FMN1: variants seen among roughly 807,000 people sequenced by gnomAD.
FMN1 encodes the protein formin-1.
In FMN1, 110 loss-of-function variants were observed where a neutral mutation model predicts 132.4. The observed-to-expected ratio is 0.83, with a 90% CI of 0.71 to 0.97. FMN1 has a LOEUF of 0.97. Ranked by LOEUF, FMN1 falls within the 50% of genes least tolerant of loss-of-function variation. The pLI, the probability that FMN1 is intolerant of heterozygous loss-of-function variation, is 0.00. For synonymous variants in FMN1, 722 were observed against 651.7 expected, an observed-to-expected ratio of 1.11 and a Z score of -1.64; for missense variants, 1,792 against 1,705.3, an observed-to-expected ratio of 1.05 and a Z score of -0.90.
intron 7 of FMN1, among the ~76,000 whole-genome samples, chr15:32,997,169 T>C (rs1255402196): frequency 6.6e-6 from 1 of 152,190 alleles, no homozygotes; most frequent in African/African-American, 2.4e-5. Flanking sequence ...CAGGACCAGC[T>C]ATGAGAAATA....
chr15:32,817,211 A>G (rs2058084012), intron 17 of FMN1, among the ~76,000 whole-genome samples: 1 of 152,222 alleles, frequency 6.6e-6, no homozygotes, highest in Non-Finnish European at 1.5e-5. Context: ...ATAAAAATGA[A>G]TAGACTACCA....
At chr15:33,030,796 CAAAT>C (rs1223834242) in intron 6 of FMN1, among the ~76,000 whole-genome samples, 11 of 152,218 alleles carry the variant, frequency 7.2e-5, no homozygotes, top group Non-Finnish European at 1.3e-4. Context: ...TATATAAACT[CAAAT>C]AATCTATATA....
At chr15:32,794,402 C>T (rs1023815074) in intron 19 of FMN1, among the ~76,000 whole-genome samples, 7 of 152,082 alleles carry the variant, frequency 4.6e-5, no homozygotes, top group African/African-American at 7.2e-5. Flanking sequence ...TTCCTGGAGT[C>T]ATGACTCCCG....
At chr15:32,909,122 T>C (rs2060497559) in intron 11 of FMN1, among the ~76,000 whole-genome samples, 2 of 152,238 alleles carry the variant, frequency 1.3e-5, no homozygotes, top group Admixed American at 1.3e-4. Context: ...GAATGAAGCT[T>C]ATCTCTACTG....
intron 4 of FMN1, among the ~76,000 whole-genome samples, chr15:33,133,601 C>G (rs186182789): frequency 6.6e-6 from 1 of 152,292 alleles, no homozygotes; most frequent in African/African-American, 2.4e-5. Flanking sequence ...ACCTTCTCAA[C>G]CCCACAGTTT....
chr15:32,931,699 CTT>C (rs2061122667), intron 9 of FMN1, among the ~76,000 whole-genome samples: 3 of 152,140 alleles, frequency 2.0e-5, no homozygotes, highest in South Asian at 4.1e-4. Flanking sequence ...ATTTCTCTCT[CTT>C]GATTAATGTC....
chr15:33,118,795 A>G (rs968486262), intron 4 of FMN1, among the ~76,000 whole-genome samples: 1 of 152,116 alleles, frequency 6.6e-6, no homozygotes, highest in Non-Finnish European at 1.5e-5. Flanking sequence ...ACATCAACCT[A>G]TCTTTAAAGA....
At chr15:32,929,793 T>C (rs1002658957) in intron 9 of FMN1, among the ~76,000 whole-genome samples, 2 of 151,328 alleles carry the variant, frequency 1.3e-5, no homozygotes, top group Non-Finnish European at 2.9e-5. Flanking sequence ...TCAAGTAATA[T>C]TCCACTGTAT....
chr15:32,908,304 C>A, intron 12 of FMN1, 186 bp downstream of exon 12: 1 of 541,672 alleles, frequency 1.8e-6, no homozygotes, highest in Non-Finnish European at 3.3e-6. Context: ...TATCCAACAG[C>A]ACAAATCTCA....
chr15:33,107,910 CTTAT>C (rs761609191), intron 4 of FMN1, among the ~76,000 whole-genome samples: 7 of 152,032 alleles, frequency 4.6e-5, no homozygotes, highest in African/African-American at 1.4e-4. Flanking sequence ...ATGCTGGCCC[CTTAT>C]TTATTACAGT....
chr15:32,967,581 T>A (rs74012405), intron 8 of FMN1, among the ~76,000 whole-genome samples: 3,380 of 152,346 alleles, frequency 0.022, 115 homozygotes, highest in African/African-American at 0.073. Flanking sequence ...CTCACTTTTT[T>A]ATGAACCATT....
intron 19 of FMN1, among the ~76,000 whole-genome samples, chr15:32,795,906 G>T (rs758685659): frequency 6.6e-6 from 1 of 152,200 alleles, no homozygotes; most frequent in African/African-American, 2.4e-5. Flanking sequence ...CTCTTCCAAA[G>T]ATATAGTTAA....
chr15:33,153,043 C>T lies in FMN1; in HGVS notation c.1867+5G>A, dbSNP rs1159522471. ...AGATTCAAAGCATCTTAAACAGAGA[C>T]TAACCTGGAGGTGACTGGTGCTGGG... On this transcript the variant is annotated splice_donor_5th_base_variant and intron_variant, in intron 4 of 20. Coordinates refer to ENST00000616417, the MANE Select transcript of FMN1 (RefSeq NM_001277313.2). The T allele has an allele frequency of 2.7e-6, 4 of 1,505,162 alleles. No individual in the cohort carries two copies. The highest frequency in any genetic ancestry group is 2.6e-6 in the Non-Finnish European group (3 of 1,134,282). The allele number at this position is 1,505,162 out of a possible 1,614,324, so 93.2% of individuals were successfully genotyped here. A position where few individuals can be genotyped will look rare whatever the true frequency, so the allele number is the denominator to read the frequency against.
In FMN1 at chr15:33,178,713, C is replaced by T. The variant is rs185068120; in HGVS notation, c.-132+1485G>A. 2.0e-4 allele frequency among the ~76,000 whole-genome samples: 30 copies of T among 152,318 alleles called. No homozygotes were observed. The East Asian group carries it at 5.2e-3, about 26-fold the overall frequency. ...AGTTAGTCAATACCTGATAGATACA[C>T]TGGCATTCAGAATACAGTGACTGGT... On this transcript the variant is annotated intron_variant, in intron 3 of 20. Coordinates refer to ENST00000616417, the MANE Select transcript of FMN1 (RefSeq NM_001277313.2).
chr15:32,913,097 C>T (rs1388098861), intron 10 of FMN1, among the ~76,000 whole-genome samples: 2 of 152,110 alleles, frequency 1.3e-5, no homozygotes, highest in East Asian at 3.9e-4. Flanking sequence ...TTAGGTGTTT[C>T]TGATCGCGGT....
At chr15:32,802,929 G>C (rs1215633586) in intron 18 of FMN1, among the ~76,000 whole-genome samples, 1 of 152,140 alleles carries the variant, frequency 6.6e-6, no homozygotes, top group African/African-American at 2.4e-5. Context: ...TATTATGATA[G>C]GATGATAAGC....
chr15:33,081,961 CA>C (rs755802197), intron 5 of FMN1, among the ~76,000 whole-genome samples: 8 of 152,000 alleles, frequency 5.3e-5, no homozygotes, highest in Non-Finnish European at 8.8e-5. Context: ...CAGGGCCTCA[CA>C]GGTGAGAAGG....
intron 10 of FMN1, among the ~76,000 whole-genome samples, chr15:32,911,263 AT>A (rs1446118283): frequency 6.6e-6 from 1 of 152,190 alleles, no homozygotes; most frequent in African/African-American, 2.4e-5. Flanking sequence ...TCCTTAATGG[AT>A]TTGGCTATCG....
At chr15:33,101,894 G>A (rs942623691) in intron 4 of FMN1, among the ~76,000 whole-genome samples, 2 of 152,114 alleles carry the variant, frequency 1.3e-5, no homozygotes, top group African/African-American at 4.8e-5. Context: ...CCGGCTTCCA[G>A]CTGTACTGGG....
Sources: gnomAD v4.1 joint callset for allele counts (sites outside exome capture counted in the v4.1 genomes callset) on GRCh38, gnomAD v4.1.1 for gene constraint, MANE v1.5 for transcripts, NCBI Gene and HGNC (gene_info 2026-07-23, HGNC 2026-07-21) for gene names.